The following LMTK3 variants were observed in gnomAD, a reference collection of about 807,000 sequenced individuals.
LMTK3 encodes the protein lemur tail kinase 3, also known as serine/threonine-protein kinase LMTK3.
Under a neutral mutation model 116.7 loss-of-function variants are expected in LMTK3, and 27 were observed. That is an observed-to-expected ratio of 0.23 (90% CI 0.17 to 0.32). The LOEUF (loss-of-function observed/expected upper bound fraction) is 0.32. LMTK3 is among the 10% of genes least tolerant of loss of function. The pLI is 1.00. For missense variants in LMTK3, 1,764 were observed against 2,068.5 expected (o/e 0.85, Z 2.86); for synonymous variants, 965 against 971.0 (o/e 0.99, Z 0.11).
intron 1 of LMTK3, 58 bp downstream of exon 1, chr19:48,511,443 A>G: frequency 1.3e-6 from 1 of 744,764 alleles, no homozygotes; most frequent in East Asian, 3.3e-5. Context: ...CTGGGCAGAC[A>G]GCGAGGCCGC....
chr19:48,491,128 G>C lies in LMTK3; in HGVS notation c.4346C>G (p.Ala1449Gly). ...GGTACCTGCGGGCCGGGCGTCGGGG[G>C]CCCGGGCGGGTGGCCCCGGGGTCTC... ...ALETPGPPAR[A>G]PDARPAGPVE... is the part of the protein sequence containing the mutation. The change falls in exon 14 of 15, where the codon GCC (alanine) becomes GGC (glycine). Residue 1449 changes from alanine to glycine, a missense_variant. Physicochemically the swap from Ala to Gly is moderately conservative, Grantham distance 60. Transcript: ENST00000600059. The surrounding 1 kb of genome is among the most constrained non-coding windows in gnomAD (Gnocchi z 5.1). 7.3e-7 allele frequency: 1 copy of C among 1,374,582 alleles called. No individual in the cohort carries two copies. The highest frequency in any genetic ancestry group is 9.4e-7 in the Non-Finnish European group (1 of 1,064,144). 85.1% of individuals were successfully genotyped at this position (1,374,582 alleles called of 1,614,324 possible). A position where few individuals can be genotyped will look rare whatever the true frequency, so the allele number is the denominator to read the frequency against.
In LMTK3 at chr19:48,491,682, G is replaced by A; in HGVS notation, c.4093-143C>T. The A allele has an allele frequency of 1.3e-6, 1 of 760,050 alleles. No homozygotes were observed. Among genetic ancestry groups the A allele is most frequent in the African/African-American group, 1.8e-5 (1 of 55,044 alleles). 47.1% of individuals were successfully genotyped at this position (760,050 alleles called of 1,614,324 possible). A position where few individuals can be genotyped will look rare whatever the true frequency, so the allele number is the denominator to read the frequency against. On this transcript the variant is annotated intron_variant, in intron 12 of 14. Coordinates refer to ENST00000600059, the MANE Select transcript of LMTK3 (RefSeq NM_001388485.1). The surrounding 1 kb of genome is among the most constrained non-coding windows in gnomAD (Gnocchi z 5.1). ...TAATCACTGACTCGCACGCTCTGGA[G>A]AGGTGGCTGGAGCCCCTAATCTGGC...
At chr19:48,509,287 A>G (rs1295293657) in intron 4 of LMTK3, 150 bp downstream of exon 4, 3 of 690,824 alleles carry the variant, frequency 4.3e-6, no homozygotes, top group Non-Finnish European at 7.6e-6. Context: ...GGAGCCGGTG[A>G]GAGGTGGACG....
At chr19:48,501,439 G>T in intron 8 of LMTK3, 35 bp from the exon 9 acceptor site, 1 of 1,612,384 alleles carries the variant, frequency 6.2e-7, no homozygotes. Context: ...GCGGGTCAGG[G>T]CACCCCACAG....
At position 48,500,836 on chromosome 19, in the gene LMTK3, G is replaced by A. The variant is rs533420542; in HGVS notation, c.1151+160C>T. 6.6e-6 allele frequency among the ~76,000 whole-genome samples: 1 copy of A among 152,344 alleles called. No individual in the cohort carries two copies. The highest frequency in any genetic ancestry group is 1.9e-4 in the East Asian group (1 of 5,186). On this transcript the variant is annotated intron_variant, in intron 10 of 14. Coordinates refer to ENST00000600059, the MANE Select transcript of LMTK3 (RefSeq NM_001388485.1). The surrounding 1 kb of genome is among the most constrained non-coding windows in gnomAD (Gnocchi z 4.0). ...ATCCCCTGCCTGTGTCCCCCTGCAA[G>A]TAGCAGATGCTGGCAGAAAGGGTGG...
At position 48,485,650 on chromosome 19, in the gene LMTK3, G is replaced by T; in HGVS notation, c.*123C>A. 9.3e-7 allele frequency: 1 copy of T among 1,078,694 alleles called. No homozygotes were observed. Among genetic ancestry groups the T allele is most frequent in the Non-Finnish European group, 1.4e-6 (1 of 728,962 alleles). The allele number at this position is 1,078,694 out of a possible 1,614,324, so 66.8% of individuals were successfully genotyped here. A position where few individuals can be genotyped will look rare whatever the true frequency, so the allele number is the denominator to read the frequency against. ...ATGGTAGGGGAGTGGGAGGGGGAGG[G>T]CCCAGCCTCGGGGGCCTCCCCAGAG... On this transcript the variant is annotated 3_prime_UTR_variant, in exon 15 of 15. Transcript: ENST00000600059.
In LMTK3 at chr19:48,498,639, C is replaced by T; in HGVS notation, c.2430G>A (p.Gly810=). The T allele has an allele frequency of 6.5e-7, 1 of 1,542,348 alleles. No individual in the cohort carries two copies. The highest frequency in any genetic ancestry group is 8.7e-7 in the Non-Finnish European group (1 of 1,144,304). The change falls in exon 11 of 15, where the codon GGG becomes GGA. Residue 810 remains glycine (G), a synonymous_variant. Transcript: ENST00000600059. The stretch of plus-strand genomic sequence containing the variant: ...GGACCCCTTCCTCCTCGGCCGCCCC[C>T]CCACCTGGGAAGGCTCCCTCTGGGG... ...PFSPEGAFPG[G]GAAEEEGVPR... is the part of the protein sequence containing the mutation.
upstream of LMTK3, chr19:48,513,570 G>A (rs2147567250): frequency 4.1e-6 from 1 of 245,158 alleles, no homozygotes; most frequent in Non-Finnish European, 8.1e-6. This position sits in a 1 kb window ranked among gnomAD's most constrained non-coding sequence, Gnocchi z 5.6. Flanking sequence ...TCCCACCCTG[G>A]GCGCGGACCT....
In LMTK3 at chr19:48,502,653, A is replaced by G. The variant is rs890516527; in HGVS notation, c.646-72T>C. ...CCAGCTAGTCGGCCCGGAGGCTGGA[A>G]TGGCTTCTGCTGTCACTGGGTAGCC... On this transcript the variant is annotated intron_variant, in intron 6 of 14. Coordinates refer to ENST00000600059, the MANE Select transcript of LMTK3 (RefSeq NM_001388485.1). 2.0e-6 allele frequency: 3 copies of G among 1,477,786 alleles called. No individual in the cohort carries two copies. The African/African-American group carries it at 4.2e-5, about 21-fold the overall frequency. The allele number at this position is 1,477,786 out of a possible 1,614,324, so 91.5% of individuals were successfully genotyped here. A position where few individuals can be genotyped will look rare whatever the true frequency, so the allele number is the denominator to read the frequency against.
intron 11 of LMTK3, among the ~76,000 whole-genome samples, chr19:48,496,704 C>G (rs1032956992): frequency 6.6e-6 from 1 of 152,262 alleles, no homozygotes. Context: ...CTGCCTCAGC[C>G]TCCCAAAGTG....
At chr19:48,505,103 C>CTTTTTTT (rs33927563) in intron 5 of LMTK3, among the ~76,000 whole-genome samples, 9 of 55,584 alleles carry the variant, frequency 1.6e-4, no homozygotes, top group African/African-American at 7.0e-4. Flanking sequence ...CTCTCTCTCT[C>CTTTTTTT]TTTTTTTTTT....
chr19:48,511,616 G>T lies in LMTK3; in HGVS notation c.-40C>A. 1.5e-6 allele frequency: 1 copy of T among 674,592 alleles called. No homozygotes were observed. The highest frequency in any genetic ancestry group is 2.3e-6 in the Non-Finnish European group (1 of 429,502). The allele number at this position is 674,592 out of a possible 1,614,324, so 41.8% of individuals were successfully genotyped here. On this transcript the variant is annotated 5_prime_UTR_variant, in exon 1 of 15. Coordinates refer to ENST00000600059, the MANE Select transcript of LMTK3 (RefSeq NM_001388485.1). ...CAGGGAGGTGGAGGTGGTGGCGGCT[G>T]GGGAGGAGGGGGGGGCGGGCCCTCA... is the stretch of plus-strand genomic sequence containing the variant.
At chr19:48,502,395 C>G (rs753085002) in intron 7 of LMTK3, 38 bp downstream of exon 7, 4 of 1,600,310 alleles carry the variant, frequency 2.5e-6, no homozygotes, top group Non-Finnish European at 2.6e-6. Flanking sequence ...TCCCCCTTCC[C>G]CTTAGTAGCT....
chr19:48,510,729 A>C, intron 1 of LMTK3, 137 bp from the exon 2 acceptor site: 6 of 1,026,748 alleles, frequency 5.8e-6, no homozygotes, highest in East Asian at 2.9e-5. Context: ...AGAGGTGCAG[A>C]GTGGCCCAAG....
Position 48,498,853 on chromosome 19 carries a change from GCCC to G in LMTK3, c.2213_2215del (p.Gly738del). 1.8e-6 allele frequency: 2 copies of G among 1,129,170 alleles called. No homozygotes were observed. Among genetic ancestry groups the G allele is most frequent in the Non-Finnish European group, 2.2e-6 (2 of 896,752 alleles). The allele number at this position is 1,129,170 out of a possible 1,614,324, so 69.9% of individuals were successfully genotyped here. On this transcript the variant is annotated inframe_deletion, in exon 11 of 15. Transcript: ENST00000600059. ...CCGCCCGGGGTACTGGGGCGCCGCC[GCCC>G]CCATGAGGGGGTCCAGAAACTCGGG...
chr19:48,505,129 T>TTA (rs1491145236), intron 5 of LMTK3, among the ~76,000 whole-genome samples: 1,469 of 137,066 alleles, frequency 0.011, 61 homozygotes, highest in Middle Eastern at 0.024. Context: ...TTTTTTTTTT[T>TTA]ATGAGACAGA....
chr19:48,493,950 TC>T lies in LMTK3; in HGVS notation c.3835del (p.Glu1279ArgfsTer37). ...GAPGPAEEDG[E>X]DEDEDEEEDE... Reference sequence around the variant, plus strand: ...CTCCTCCTCGTCCTCGTCCTCGTCCTCCCCGTCCTCCTCCGCCGGCCCCGGC... The same window carrying T: ...CTCCTCCTCGTCCTCGTCCTCGTCCTCCCGTCCTCCTCCGCCGGCCCCGGC... On this transcript the variant is annotated frameshift_variant, in exon 12 of 15. Coordinates refer to ENST00000600059, the MANE Select transcript of LMTK3 (RefSeq NM_001388485.1). LOFTEE classifies it high-confidence loss of function. The T allele has an allele frequency of 9.6e-7, 1 of 1,039,148 alleles. No homozygotes were observed. The highest frequency in any genetic ancestry group is 1.2e-6 in the Non-Finnish European group (1 of 868,802). The allele number at this position is 1,039,148 out of a possible 1,614,324, so 64.4% of individuals were successfully genotyped here.
rs753528859 is a variant in LMTK3 at position 48,497,413 on chromosome 19, C to T, written c.3656G>A (p.Gly1219Glu). Reference protein sequence around the residue: ...RLFLDLGPPQGNSEQIKARLS... With the variant: ...RLFLDLGPPQENSEQIKARLS... ...CTCACCTTTGATCTGCTCGCTGTTC[C>T]CCTGAGGGGGTCCCAAGTCCAAGAA... Residue 1219 changes from glycine to glutamate, a missense_variant, in exon 11 of 15, where the codon GGG becomes GAG. Gly to Glu is a moderately conservative substitution (Grantham distance 98, BLOSUM62 -2). Coordinates refer to ENST00000600059, the MANE Select transcript of LMTK3 (RefSeq NM_001388485.1). This position sits in a 1 kb window ranked among gnomAD's most constrained non-coding sequence, Gnocchi z 5.7. 67 of 1,533,722 alleles carry T rather than the reference C, an allele frequency of 4.4e-5. No homozygotes were observed. The highest frequency in any genetic ancestry group is 5.8e-5 in the Non-Finnish European group (66 of 1,144,214).
Position 48,497,963 on chromosome 19 carries a change from T to A in LMTK3, c.3106A>T (p.Ser1036Cys). 2 of 1,592,796 alleles carry A rather than the reference T, an allele frequency of 1.3e-6. No individual in the cohort carries two copies. Among genetic ancestry groups the A allele is most frequent in the Admixed American group, 1.8e-5 (1 of 55,504 alleles). The change falls in exon 11 of 15, where the codon AGT (serine) becomes TGT (cysteine). Residue 1036 changes from serine (S) to cysteine (C), a missense_variant. Physicochemically the swap from Ser to Cys is moderately radical, Grantham distance 112. Around this residue, in one of 7 missense-constraint regions of LMTK3, gnomAD observed 1,028 missense variants for 1,050.6 expected, o/e 0.98. Transcript: ENST00000600059. The surrounding 1 kb of genome is among the most constrained non-coding windows in gnomAD (Gnocchi z 5.7). The part of the protein sequence containing the change: ...APGPWEKTPE[S>C]WGPAPTIGEP... ...CCGATCGTGGGGGCTGGACCCCAACTCTCGGGCGTCTTCTCCCAGGGCCCT... is the reference window on the plus strand; with the variant it reads ...CCGATCGTGGGGGCTGGACCCCAACACTCGGGCGTCTTCTCCCAGGGCCCT...
Sources: allele counts gnomAD v4.1 joint callset (sites outside exome capture counted in the v4.1 genomes callset), GRCh38; gene constraint gnomAD v4.1.1; regional missense constraint gnomAD v4.1.1; non-coding constraint Gnocchi (gnomAD v3.1); transcripts MANE v1.5; gene names NCBI Gene and HGNC (gene_info 2026-07-23, HGNC 2026-07-21).